The following TMCO1 variants were observed in gnomAD, a reference collection of about 807,000 sequenced individuals.
TMCO1 encodes transmembrane and coiled-coil domains 1.
TMCO1 carries 29 observed loss-of-function variants against 29.3 expected under a neutral mutation model. The observed-to-expected ratio is 0.99, with a 90% CI of 0.74 to 1.35. TMCO1 has a LOEUF of 1.35. TMCO1 is among the 40% of genes most tolerant of loss of function. The probability of loss-of-function intolerance (pLI) is 0.00; values close to 1 mark genes in which losing one functional copy is unlikely to be tolerated. For missense variants in TMCO1, 173 were observed against 225.5 expected (o/e 0.77, Z 1.49); for synonymous variants, 80 against 77.1 (o/e 1.04, Z -0.20).
intron 4 of TMCO1, 141 bp downstream of exon 4, chr1:165,754,087 T>C: frequency 4.2e-6 from 3 of 706,238 alleles, no homozygotes; most frequent in East Asian, 5.2e-5. Flanking sequence ...TTCCATTTGG[T>C]CCAGGAACAC....
chr1:165,736,877 C>G lies in TMCO1; in HGVS notation c.468+6290G>C, dbSNP rs576119587. Among the ~76,000 whole-genome samples, 4 of 152,298 alleles carry G rather than the reference C, an allele frequency of 2.6e-5. No homozygotes were observed. In the South Asian group the frequency reaches 8.3e-4, roughly 32 times the overall value. On this transcript the variant is annotated intron_variant, in intron 6 of 6. Coordinates refer to ENST00000367881, the MANE Select transcript of TMCO1 (RefSeq NM_019026.6). ...AATGCAAAGGCGCGATCACAGCTTA[C>G]CACAAACCCGATCTCCAGGGCTAAA...
chr1:165,742,032 C>A (rs1651613964), intron 6 of TMCO1, among the ~76,000 whole-genome samples: 1 of 152,124 alleles, frequency 6.6e-6, no homozygotes, highest in Admixed American at 6.5e-5. Flanking sequence ...TATAGCAATG[C>A]AAGAACAAAC....
At position 165,748,722 on chromosome 1, in the gene TMCO1, G is replaced by A. The variant is rs2101803607; in HGVS notation, c.323+3380C>T. Among the ~76,000 whole-genome samples, 2 of 152,218 alleles carry A rather than the reference G, an allele frequency of 1.3e-5. 1 individual carries two copies. The highest frequency in any genetic ancestry group is 4.1e-4 in the South Asian group (2 of 4,820). On this transcript the variant is annotated intron_variant, in intron 5 of 6. Transcript: ENST00000367881. The stretch of plus-strand genomic sequence containing the variant: ...TTTCAAAGTCCATGGTTGACATTAG[G>A]GTTCATTCTTGGTGTTGTACATTCT...
chr1:165,725,014 CTCTCTCTCTCTATATATA>C (rs1376032826), downstream of TMCO1: 330 of 197,498 alleles, frequency 1.7e-3, 2 homozygotes, highest in African/African-American at 0.015. Flanking sequence ...CTCTCTCTCT[CTCTCTCTCTCTATATATA>C]TATATATATA....
intron 5 of TMCO1, among the ~76,000 whole-genome samples, chr1:165,751,188 T>A (rs1651980842): frequency 6.6e-6 from 1 of 152,194 alleles, no homozygotes; most frequent in Admixed American, 6.5e-5. Flanking sequence ...ATTTACCTTA[T>A]CATTAAACAA....
At chr1:165,740,772 G>C (rs1339865629) in intron 6 of TMCO1, among the ~76,000 whole-genome samples, 1 of 152,174 alleles carries the variant, frequency 6.6e-6, no homozygotes, top group Admixed American at 6.5e-5. Context: ...TATCACGAGT[G>C]GCTTTGCTAT....
intron 5 of TMCO1, among the ~76,000 whole-genome samples, chr1:165,745,102 C>T (rs1324974692): frequency 6.6e-6 from 1 of 150,400 alleles, no homozygotes; most frequent in Non-Finnish European, 1.5e-5. Context: ...CTCACTGCAG[C>T]CTTGACCTCC....
chr1:165,768,361 C>A, intron 1 of TMCO1, 92 bp from the exon 2 acceptor site: 13 of 1,517,014 alleles, frequency 8.6e-6, no homozygotes, highest in Non-Finnish European at 1.2e-5. Context: ...GGAATTCCAA[C>A]TTTTCGCTTT....
intron 6 of TMCO1, among the ~76,000 whole-genome samples, chr1:165,739,022 A>G (rs1651488334): frequency 6.6e-6 from 1 of 152,170 alleles, no homozygotes; most frequent in Non-Finnish European, 1.5e-5. Context: ...CTGAATTTGC[A>G]TACACCTGGA....
At chr1:165,768,051 G>T in intron 2 of TMCO1, 141 bp downstream of exon 2, 1 of 746,338 alleles carries the variant, frequency 1.3e-6, no homozygotes, top group Non-Finnish European at 2.4e-6. Flanking sequence ...TACACATTTT[G>T]CATAAAAGTC....
At chr1:165,737,645 G>A (rs1651442320) in intron 6 of TMCO1, among the ~76,000 whole-genome samples, 1 of 152,064 alleles carries the variant, frequency 6.6e-6, no homozygotes, top group Non-Finnish European at 1.5e-5. Context: ...AAGACATGAA[G>A]AACTTTTCAG....
rs201018862 is a variant in TMCO1, at chr1:165,768,319, CAACA to C, written c.71-54_71-51del. 257 of 1,573,908 alleles carry C rather than the reference CAACA, an allele frequency of 1.6e-4. No individual in the cohort carries two copies. The East Asian group carries it at 4.1e-3, about 25-fold the overall frequency. On this transcript the variant is annotated intron_variant, in intron 1 of 6. Coordinates refer to ENST00000367881, the MANE Select transcript of TMCO1 (RefSeq NM_019026.6). ...AATAGAGAAATGACTGGAATGATCA[CAACA>C]AACAAAGTGGTTACTGTTGGAGAAG...
chr1:165,730,720 G>A (rs547553207), intron 6 of TMCO1, among the ~76,000 whole-genome samples: 23 of 151,822 alleles, frequency 1.5e-4, no homozygotes, highest in African/African-American at 5.1e-4. Context: ...TCAGCCTCCC[G>A]AGGAGCTGGG....
At chr1:165,747,454 A>T (rs1398001939) in intron 5 of TMCO1, among the ~76,000 whole-genome samples, 1 of 152,206 alleles carries the variant, frequency 6.6e-6, no homozygotes, top group Non-Finnish European at 1.5e-5. Context: ...TTAATACCTC[A>T]AAATTAATGT....
intron 2 of TMCO1, among the ~76,000 whole-genome samples, chr1:165,763,054 G>C (rs1050034009): frequency 2.0e-5 from 3 of 152,130 alleles, no homozygotes; most frequent in East Asian, 3.9e-4. Flanking sequence ...CAGTAGGACT[G>C]CTTTTTGGAC....
chr1:165,746,597 T>C (rs1651808877), intron 5 of TMCO1, among the ~76,000 whole-genome samples: 1 of 152,106 alleles, frequency 6.6e-6, no homozygotes, highest in Non-Finnish European at 1.5e-5. Context: ...CTTATTATAT[T>C]ATTAACTCTA....
intron 5 of TMCO1, among the ~76,000 whole-genome samples, chr1:165,748,975 T>C (rs761079243): frequency 1.3e-5 from 2 of 152,226 alleles, no homozygotes; most frequent in African/African-American, 2.4e-5. Flanking sequence ...CTTAAAATTA[T>C]GCATTTAAGA....
chr1:165,735,640 G>A (rs1407279857), intron 6 of TMCO1, among the ~76,000 whole-genome samples: 1 of 151,494 alleles, frequency 6.6e-6, no homozygotes, highest in Non-Finnish European at 1.5e-5. Context: ...TCAGCCTCCT[G>A]AGTATCTGGG....
chr1:165,734,373 C>G (rs1365563990), intron 6 of TMCO1, among the ~76,000 whole-genome samples: 2 of 152,120 alleles, frequency 1.3e-5, no homozygotes. Context: ...ATAGGAGTAT[C>G]TTTTCATTTT....
Sources: gnomAD v4.1 joint callset for allele counts (sites outside exome capture counted in the v4.1 genomes callset) on GRCh38, gnomAD v4.1.1 for gene constraint, MANE v1.5 for transcripts, NCBI Gene and HGNC (gene_info 2026-07-23, HGNC 2026-07-21) for gene names.